NOPCHAP1: variants seen among roughly 807,000 people sequenced by gnomAD.
The protein encoded by NOPCHAP1 is NOP protein chaperone 1.
NOPCHAP1 carries 13 observed loss-of-function variants against 14.0 expected under a neutral mutation model. The ratio of observed to expected loss-of-function variants is 0.93; its 90% CI spans 0.60 to 1.47. The LOEUF (loss-of-function observed/expected upper bound fraction) is 1.47. Ranked by LOEUF, NOPCHAP1 falls within the 40% of genes most tolerant of loss-of-function variation. NOPCHAP1 has a pLI of 0.00. For synonymous variants in NOPCHAP1, 78 were observed against 78.4 expected (o/e 1.00, Z 0.03); for missense variants, 230 against 226.9 (o/e 1.01, Z -0.09).
Position 104,996,097 on chromosome 12 carries a change from G to A in NOPCHAP1, c.*1401G>A, listed in dbSNP as rs2136028090. On this transcript the variant is annotated 3_prime_UTR_variant, in exon 4 of 4. Coordinates refer to ENST00000552951, the MANE Select transcript of NOPCHAP1 (RefSeq NM_152318.3). ...GGAGGTATTTATGGGGACTTTTGGG[G>A]AAGCTATTTGGAAGGCAGGATTGAA... 1 of 152,250 alleles carries A rather than the reference G, an allele frequency of 6.6e-6. No individual in the cohort carries two copies. Among genetic ancestry groups the A allele is most frequent in the Admixed American group, 6.5e-5 (1 of 15,278 alleles). The allele number at this position is 152,250 out of a possible 1,614,324, so 9.4% of individuals were successfully genotyped here. A position where few individuals can be genotyped will look rare whatever the true frequency, so the allele number is the denominator to read the frequency against.
rs1873520619 is a variant in NOPCHAP1, at chr12:104,997,373, T to C, written c.*2677T>C. Reference sequence around the variant, plus strand: ...CTTAGTTTAGTCAGATATGAATTCTTGGTTGAAAATTATTTTCTTTAAGAA... The same window carrying C: ...CTTAGTTTAGTCAGATATGAATTCTCGGTTGAAAATTATTTTCTTTAAGAA... On this transcript the variant is annotated 3_prime_UTR_variant, in exon 4 of 4. Transcript: ENST00000552951. The C allele has an allele frequency of 6.6e-6, 1 of 152,246 alleles. No individual in the cohort carries two copies. Among genetic ancestry groups the C allele is most frequent in the Non-Finnish European group, 1.5e-5 (1 of 68,050 alleles). The allele number at this position is 152,246 out of a possible 1,614,324, so 9.4% of individuals were successfully genotyped here.
intron 3 of NOPCHAP1, among the ~76,000 whole-genome samples, chr12:104,994,093 G>A (rs1026516143): frequency 2.6e-5 from 4 of 152,132 alleles, no homozygotes; most frequent in Non-Finnish European, 5.9e-5. Context: ...GCCTGTAATT[G>A]CAGCGCTTTG....
intron 1 of NOPCHAP1, among the ~76,000 whole-genome samples, chr12:104,987,257 C>CT: frequency 6.6e-6 from 1 of 152,214 alleles, no homozygotes; most frequent in East Asian, 1.9e-4. Context: ...GCCCCAGAAA[C>CT]TAACTCATCT....
rs1328872872 is a variant in NOPCHAP1 at position 105,014,441 on chromosome 12, A to T, written c.*19745A>T. 6.6e-6 allele frequency: 1 copy of T among 152,226 alleles called. No homozygotes were observed. Among genetic ancestry groups the T allele is most frequent in the African/African-American group, 2.4e-5 (1 of 41,462 alleles). 9.4% of individuals were successfully genotyped at this position (152,226 alleles called of 1,614,324 possible). On this transcript the variant is annotated 3_prime_UTR_variant, in exon 4 of 4. Coordinates refer to ENST00000552951, the MANE Select transcript of NOPCHAP1 (RefSeq NM_152318.3). ...CTCCAAAAATGTTAAAAATATATTT[A>T]TTGAAAATAATCCATGTATAAGTGG...
At chr12:104,989,712 C>A (rs1592747635) in intron 2 of NOPCHAP1, among the ~76,000 whole-genome samples, 1 of 152,104 alleles carries the variant, frequency 6.6e-6, no homozygotes, top group African/African-American at 2.4e-5. Flanking sequence ...GTTGCTTGCT[C>A]CTGTCTCGCC....
At chr12:104,988,316 G>A in intron 2 of NOPCHAP1, 63 bp downstream of exon 2, 1 of 1,310,654 alleles carries the variant, frequency 7.6e-7, no homozygotes, top group Middle Eastern at 1.8e-4. Flanking sequence ...TAAGCTGTGG[G>A]ACGGTCTCTG....
rs1443538594 is a variant in NOPCHAP1 at position 105,016,186 on chromosome 12, G to A, written c.*21490G>A. ...GGGCTTTTACATTTTAGAAAAAAAT[G>A]ACGGATATCTCAGTAGTGAAAAGAC... On this transcript the variant is annotated 3_prime_UTR_variant, in exon 4 of 4. Coordinates refer to ENST00000552951, the MANE Select transcript of NOPCHAP1 (RefSeq NM_152318.3). 2.6e-5 allele frequency: 4 copies of A among 152,096 alleles called. No individual in the cohort carries two copies. Among genetic ancestry groups the A allele is most frequent in the Admixed American group, 2.0e-4 (3 of 15,268 alleles). The allele number at this position is 152,096 out of a possible 1,614,324, so 9.4% of individuals were successfully genotyped here.
rs1565943253 is a variant in NOPCHAP1, at chr12:105,015,266, T to G, written c.*20570T>G. The G allele has an allele frequency of 6.6e-6, 1 of 152,234 alleles. No individual in the cohort carries two copies. The highest frequency in any genetic ancestry group is 1.5e-5 in the Non-Finnish European group (1 of 68,042). 9.4% of individuals were successfully genotyped at this position (152,234 alleles called of 1,614,324 possible). ...TACTTATTTAAAGATTTTCTTCCAC[T>G]GGATGCTATGCTACCTTGTGTGAAC... On this transcript the variant is annotated 3_prime_UTR_variant, in exon 4 of 4. Coordinates refer to ENST00000552951, the MANE Select transcript of NOPCHAP1 (RefSeq NM_152318.3).
Position 105,008,402 on chromosome 12 carries a change from C to T in NOPCHAP1, c.*13706C>T, listed in dbSNP as rs1415892881. ...ATATTAGCTCTTTGTCAGATGGATA[C>T]ATTGCAAAAACTTTCTCCCATTCTA... is the stretch of plus-strand genomic sequence containing the variant. On this transcript the variant is annotated 3_prime_UTR_variant, in exon 4 of 4. Transcript: ENST00000552951. The T allele has an allele frequency of 1.3e-5, 2 of 152,048 alleles. No homozygotes were observed. The highest frequency in any genetic ancestry group is 4.8e-5 in the African/African-American group (2 of 41,404). 9.4% of individuals were successfully genotyped at this position (152,048 alleles called of 1,614,324 possible). A position where few individuals can be genotyped will look rare whatever the true frequency, so the allele number is the denominator to read the frequency against.
rs1199265418 is a variant in NOPCHAP1 at position 105,003,136 on chromosome 12, A to G, written c.*8440A>G. On this transcript the variant is annotated 3_prime_UTR_variant, in exon 4 of 4. Transcript: ENST00000552951. The stretch of plus-strand genomic sequence containing the variant: ...CTACCTGTATGTACCAATTTAAAGA[A>G]TGCATCTCATTGCTTATGAAGCATT... 6.6e-6 allele frequency: 1 copy of G among 152,230 alleles called. No homozygotes were observed. The highest frequency in any genetic ancestry group is 6.5e-5 in the Admixed American group (1 of 15,288). The allele number at this position is 152,230 out of a possible 1,614,324, so 9.4% of individuals were successfully genotyped here. A position where few individuals can be genotyped will look rare whatever the true frequency, so the allele number is the denominator to read the frequency against.
In NOPCHAP1 at chr12:105,015,761, G is replaced by C. The variant is rs954272483; in HGVS notation, c.*21065G>C. On this transcript the variant is annotated 3_prime_UTR_variant, in exon 4 of 4. Coordinates refer to ENST00000552951, the MANE Select transcript of NOPCHAP1 (RefSeq NM_152318.3). Reference sequence around the variant, plus strand: ...TTCAGGCATCCTCTGGGGGGTCTTGGAATGTATCCCCCATGGATAAGACTA... The same window carrying C: ...TTCAGGCATCCTCTGGGGGGTCTTGCAATGTATCCCCCATGGATAAGACTA... 1 of 152,162 alleles carries C rather than the reference G, an allele frequency of 6.6e-6. No individual in the cohort carries two copies. The highest frequency in any genetic ancestry group is 1.5e-5 in the Non-Finnish European group (1 of 68,030). 9.4% of individuals were successfully genotyped at this position (152,162 alleles called of 1,614,324 possible). A position where few individuals can be genotyped will look rare whatever the true frequency, so the allele number is the denominator to read the frequency against.
rs1202362634 is a variant in NOPCHAP1 at position 105,003,858 on chromosome 12, A to G, written c.*9162A>G. On this transcript the variant is annotated 3_prime_UTR_variant, in exon 4 of 4. Coordinates refer to ENST00000552951, the MANE Select transcript of NOPCHAP1 (RefSeq NM_152318.3). ...AGCTAGGCATTTGCCCTATTTGTGCATGGTTTGATAACTTGACTGCCTATG... is the reference window on the plus strand; with the variant it reads ...AGCTAGGCATTTGCCCTATTTGTGCGTGGTTTGATAACTTGACTGCCTATG... The G allele has an allele frequency of 2.6e-5, 4 of 152,238 alleles. No individual in the cohort carries two copies. Among genetic ancestry groups the G allele is most frequent in the Non-Finnish European group, 5.9e-5 (4 of 68,048 alleles). 9.4% of individuals were successfully genotyped at this position (152,238 alleles called of 1,614,324 possible).
chr12:104,993,102 A>T (rs1873419306), intron 3 of NOPCHAP1, among the ~76,000 whole-genome samples: 1 of 152,128 alleles, frequency 6.6e-6, no homozygotes. Flanking sequence ...GCCTTCCCTG[A>T]TAGCTGTATT....
At chr12:104,990,226 A>G (rs11112280) in intron 2 of NOPCHAP1, among the ~76,000 whole-genome samples, 11,253 of 152,254 alleles carry the variant, frequency 0.074, 454 homozygotes, top group Middle Eastern at 0.092. Flanking sequence ...AGGGTTCAGC[A>G]TATACTCTCC....
intron 1 of NOPCHAP1, among the ~76,000 whole-genome samples, chr12:104,986,793 G>C (rs941729250): frequency 4.6e-5 from 7 of 152,244 alleles, no homozygotes; most frequent in African/African-American, 1.7e-4. Flanking sequence ...TTTTGGGGAA[G>C]GGAGGGCTTT....
In NOPCHAP1 at chr12:104,994,470, T is replaced by A. The variant is rs1282543419; in HGVS notation, c.340-8T>A. 1 of 1,613,396 alleles carries A rather than the reference T, an allele frequency of 6.2e-7. No homozygotes were observed. Among genetic ancestry groups the A allele is most frequent in the Admixed American group, 1.7e-5 (1 of 60,024 alleles). ...TGAAATAGATTTCCTGTCCACTACT[T>A]TTTGCAGGATGTGGCTTTGTTTGAG... On this transcript the variant is annotated splice_polypyrimidine_tract_variant and splice_region_variant and intron_variant, in intron 3 of 3. Transcript: ENST00000552951.
chr12:104,986,422 C>A lies in NOPCHAP1; in HGVS notation c.70C>A (p.Pro24Thr). ...GCCCACCCGGGATTCCTCAGGAGTC[C>A]CAGTGTCCAAGGAGCTGCTGACGGC... is the stretch of plus-strand genomic sequence containing the variant. ...SSPTRDSSGV[P>T]VSKELLTAGS... Residue 24 changes from proline (P) to threonine (T), a missense_variant, in exon 1 of 4, where the codon CCA (proline) becomes ACA (threonine). Coordinates refer to ENST00000552951, the MANE Select transcript of NOPCHAP1 (RefSeq NM_152318.3). 6.2e-7 allele frequency: 1 copy of A among 1,611,444 alleles called. No individual in the cohort carries two copies.
At chr12:104,988,287 A>C in intron 2 of NOPCHAP1, 34 bp downstream of exon 2, 2 of 1,511,714 alleles carry the variant, frequency 1.3e-6, no homozygotes, top group Non-Finnish European at 1.8e-6. Context: ...ACCCTCTCTA[A>C]TGCTGAGTTT....
At position 105,004,684 on chromosome 12, in the gene NOPCHAP1, A is replaced by G. The variant is rs1317157022; in HGVS notation, c.*9988A>G. The G allele has an allele frequency of 6.6e-6, 1 of 152,230 alleles. No individual in the cohort carries two copies. Among genetic ancestry groups the G allele is most frequent in the African/African-American group, 2.4e-5 (1 of 41,456 alleles). The allele number at this position is 152,230 out of a possible 1,614,324, so 9.4% of individuals were successfully genotyped here. ...TCAAGATGGGTTTAATGAGGGAGGA[A>G]TATGTGAAAAAGAAAAAAGATTTTT... On this transcript the variant is annotated 3_prime_UTR_variant, in exon 4 of 4. Transcript: ENST00000552951.
Sources: allele counts gnomAD v4.1 joint callset (sites outside exome capture counted in the v4.1 genomes callset), GRCh38; gene constraint gnomAD v4.1.1; transcripts MANE v1.5; gene names NCBI Gene and HGNC (gene_info 2026-07-23, HGNC 2026-07-21).